Variants in MYH10 observed in about 807,000 individuals in gnomAD.
MYH10 encodes myosin heavy chain 10, also known as myosin-10.
MYH10 carries 55 observed loss-of-function variants against 257.8 expected under a neutral mutation model. That is an observed-to-expected ratio of 0.21 (90% confidence interval 0.17 to 0.27). The LOEUF (loss-of-function observed/expected upper bound fraction) is 0.27. Ranked by LOEUF, MYH10 falls within the 10% of genes least tolerant of loss-of-function variation. The pLI is 1.00. For missense variants in MYH10, 1,631 were observed against 2,500.6 expected, an observed-to-expected ratio of 0.65 and a Z score of 7.42; for synonymous variants, 854 against 921.7, an observed-to-expected ratio of 0.93 and a Z score of 1.33.
chr17:8,587,887 C>T (rs1291869800), intron 4 of MYH10, among the ~76,000 whole-genome samples: 2 of 152,116 alleles, frequency 1.3e-5, no homozygotes, highest in African/African-American at 4.8e-5. Context: ...CCCCTTCATG[C>T]CTCAACTGCC....
chr17:8,510,048 T>TTC, intron 24 of MYH10, 99 bp from the exon 25 acceptor site: 1 of 1,282,866 alleles, frequency 7.8e-7, no homozygotes, highest in South Asian at 1.8e-5. Flanking sequence ...TAATTTTTTT[T>TTC]TTTTTTTTGA....
intron 36 of MYH10, among the ~76,000 whole-genome samples, chr17:8,485,964 G>A (rs1014037389): frequency 6.6e-6 from 1 of 152,204 alleles, no homozygotes; most frequent in Admixed American, 6.5e-5. Context: ...TGTGGTAGAT[G>A]TATCCACACA....
At chr17:8,587,024 C>T (rs1429771997) in intron 4 of MYH10, among the ~76,000 whole-genome samples, 1 of 152,188 alleles carries the variant, frequency 6.6e-6, no homozygotes, top group East Asian at 1.9e-4. Context: ...CAAGCAGAAA[C>T]TTGAACAATG....
At chr17:8,543,601 G>A (rs181880731) in intron 13 of MYH10, among the ~76,000 whole-genome samples, 9 of 151,820 alleles carry the variant, frequency 5.9e-5, no homozygotes, top group Non-Finnish European at 1.0e-4. Context: ...AGCCTTCGGA[G>A]TAGCTGAGAT....
chr17:8,514,560 C>T (rs568417010), intron 21 of MYH10, among the ~76,000 whole-genome samples: 1 of 152,232 alleles, frequency 6.6e-6, no homozygotes, highest in Admixed American at 6.5e-5. Context: ...AGACCCAGTT[C>T]CCATTCGCCT....
At chr17:8,612,682 C>G (rs1209183457) in intron 2 of MYH10, among the ~76,000 whole-genome samples, 1 of 152,084 alleles carries the variant, frequency 6.6e-6, no homozygotes, top group African/African-American at 2.4e-5. Context: ...GAAACCCCGT[C>G]TCTACTAAAA....
At chr17:8,591,095 A>G (rs2084121984) in intron 3 of MYH10, among the ~76,000 whole-genome samples, 1 of 151,644 alleles carries the variant, frequency 6.6e-6, no homozygotes, top group African/African-American at 2.4e-5. Context: ...GATGGTCTCG[A>G]TCTCCCGACC....
At chr17:8,523,759 A>C (rs2081738961) in intron 17 of MYH10, among the ~76,000 whole-genome samples, 1 of 152,232 alleles carries the variant, frequency 6.6e-6, no homozygotes, top group African/African-American at 2.4e-5. Flanking sequence ...CAGATCGAGA[A>C]GGAAGATTCA....
intron 2 of MYH10, among the ~76,000 whole-genome samples, chr17:8,617,222 G>A (rs959884528): frequency 1.3e-5 from 2 of 152,148 alleles, no homozygotes; most frequent in African/African-American, 2.4e-5. Flanking sequence ...CTAAGGGTGA[G>A]AAGAGAAGGT....
intron 24 of MYH10, among the ~76,000 whole-genome samples, chr17:8,510,458 T>C (rs1407784367): frequency 1.3e-5 from 2 of 152,318 alleles, no homozygotes; most frequent in East Asian, 3.9e-4. Context: ...AAATGAGCCT[T>C]TCCTTTCAAC....
chr17:8,486,790 A>G (rs1914887990), intron 36 of MYH10, among the ~76,000 whole-genome samples: 1 of 152,204 alleles, frequency 6.6e-6, no homozygotes, highest in Non-Finnish European at 1.5e-5. Flanking sequence ...TTAGATGGTT[A>G]GCAGTCCATT....
chr17:8,538,458 C>T (rs7208783), intron 14 of MYH10, among the ~76,000 whole-genome samples: 63,827 of 152,118 alleles, frequency 0.42, 13,381 homozygotes, highest in East Asian at 0.5. Context: ...GATCTGCCCG[C>T]CTTGGCCTCC....
At chr17:8,480,678 A>G in intron 38 of MYH10, 153 bp from the exon 39 acceptor site, 6 of 959,336 alleles carry the variant, frequency 6.3e-6, no homozygotes, top group Non-Finnish European at 9.5e-6. Flanking sequence ...ATCCATCAGT[A>G]GGTCCCACTG....
At chr17:8,514,391 T>C (rs572372828) in intron 21 of MYH10, among the ~76,000 whole-genome samples, 1 of 152,232 alleles carries the variant, frequency 6.6e-6, no homozygotes, top group South Asian at 2.1e-4. Context: ...AGCGCAGCAC[T>C]CAAAAGCTAC....
intron 2 of MYH10, among the ~76,000 whole-genome samples, chr17:8,608,754 A>T (rs1251290186): frequency 6.6e-6 from 1 of 151,522 alleles, no homozygotes; most frequent in Non-Finnish European, 1.5e-5. Context: ...CCAGGCTCCC[A>T]CCTATGCTGA....
At chr17:8,518,481 T>C in intron 21 of MYH10, 150 bp downstream of exon 21, 3 of 765,868 alleles carry the variant, frequency 3.9e-6, no homozygotes, top group South Asian at 1.9e-5. Context: ...AGAATGTTCA[T>C]GTATTTACCT....
intron 7 of MYH10, among the ~76,000 whole-genome samples, chr17:8,557,158 T>C (rs2082832239): frequency 6.6e-6 from 1 of 152,110 alleles, no homozygotes; most frequent in Non-Finnish European, 1.5e-5. Flanking sequence ...CTAAAGAAGT[T>C]CCTCAGCTAT....
rs754685574 is a variant in MYH10, at chr17:8,554,036, A to G, written c.757-18T>C. On this transcript the variant is annotated intron_variant, in intron 7 of 42. Transcript: ENST00000360416. ...AATTTGCCCTGAAAATAAATTAAAAAGAGAAAATTGAAAATAAGTAAGTAC... is the reference window on the plus strand; with the variant it reads ...AATTTGCCCTGAAAATAAATTAAAAGGAGAAAATTGAAAATAAGTAAGTAC... 6.3e-7 allele frequency: 1 copy of G among 1,594,436 alleles called. No homozygotes were observed. Among genetic ancestry groups the G allele is most frequent in the Non-Finnish European group, 8.6e-7 (1 of 1,162,818 alleles).
intron 2 of MYH10, among the ~76,000 whole-genome samples, chr17:8,607,282 T>C (rs2084848721): frequency 6.6e-6 from 1 of 152,062 alleles, no homozygotes; most frequent in African/African-American, 2.4e-5. Context: ...AAAACGAAAA[T>C]ACACAAATTC....
Sources: allele counts gnomAD v4.1 joint callset (sites outside exome capture counted in the v4.1 genomes callset), GRCh38; gene constraint gnomAD v4.1.1; transcripts MANE v1.5; gene names NCBI Gene and HGNC (gene_info 2026-07-23, HGNC 2026-07-21).